The following NRP2 variants were observed in gnomAD, a reference collection of about 807,000 sequenced individuals.
NRP2 encodes neuropilin 2, also known as neuropilin-2.
Under a neutral mutation model 110.4 loss-of-function variants are expected in NRP2, and 52 were observed. The observed-to-expected ratio is 0.47, with a 90% CI of 0.38 to 0.59. The LOEUF (loss-of-function observed/expected upper bound fraction) is 0.59. Ranked by LOEUF, NRP2 falls within the 20% of genes least tolerant of loss-of-function variation. NRP2 has a pLI of 0.00. For synonymous variants in NRP2, 508 were observed against 468.9 expected, an observed-to-expected ratio of 1.08 and a Z score of -1.08; for missense variants, 1,049 against 1,203.0, an observed-to-expected ratio of 0.87 and a Z score of 1.89.
Position 205,686,249 on chromosome 2 carries a change from C to T in NRP2, c.73+2886C>T, listed in dbSNP as rs1205202427. Among the ~76,000 whole-genome samples, 1 of 152,234 alleles carries T rather than the reference C, an allele frequency of 6.6e-6. No homozygotes were observed. The highest frequency in any genetic ancestry group is 1.9e-4 in the East Asian group (1 of 5,162). On this transcript the variant is annotated intron_variant, in intron 1 of 16. Coordinates refer to ENST00000357785, the MANE Select transcript of NRP2 (RefSeq NM_003872.3). The surrounding 1 kb of genome is among the most constrained non-coding windows in gnomAD (Gnocchi z 4.7). Reference sequence around the variant, plus strand: ...TCCTCCTCCTCCTCCTAAGGACACCCCCAGGGAAAAGCCTGCGGCATTTCT... The same window carrying T: ...TCCTCCTCCTCCTCCTAAGGACACCTCCAGGGAAAAGCCTGCGGCATTTCT...
intron 2 of NRP2, 64 bp from the exon 3 acceptor site, chr2:205,716,129 C>T (rs916483545): frequency 2.6e-5 from 40 of 1,533,460 alleles, no homozygotes; most frequent in Non-Finnish European, 3.5e-5. Context: ...TAAGTGGGAG[C>T]GACACAGTGG....
chr2:205,778,101 G>A (rs1396928574), intron 15 of NRP2: 3 of 152,212 alleles, frequency 2.0e-5, no homozygotes, highest in Non-Finnish European at 2.9e-5. Flanking sequence ...TCTCAGCCTC[G>A]GGAGCATTTA....
chr2:205,722,424 G>A lies in NRP2; in HGVS notation c.434-54G>A, dbSNP rs114687475. ...ACATTTAAATAACCCATGTGACAGA[G>A]GCCACAAAGAAAGGCATCTTCTTCT... On this transcript the variant is annotated intron_variant, in intron 3 of 16. Transcript: ENST00000357785. 1.0e-3 allele frequency: 1,447 copies of A among 1,386,536 alleles called. 2 individuals carry two copies. The highest frequency in any genetic ancestry group is 1.3e-3 in the Non-Finnish European group (1,259 of 973,264). 85.9% of individuals were successfully genotyped at this position (1,386,536 alleles called of 1,614,324 possible).
intron 5 of NRP2, 100 bp downstream of exon 5, chr2:205,724,040 A>C: frequency 7.5e-7 from 1 of 1,329,310 alleles, no homozygotes; most frequent in Non-Finnish European, 1.1e-6. Context: ...AGGAGATGGG[A>C]ACTCTACGGA....
At chr2:205,684,369 T>C (rs1023922739) in intron 1 of NRP2, among the ~76,000 whole-genome samples, 8 of 152,102 alleles carry the variant, frequency 5.3e-5, no homozygotes, top group Non-Finnish European at 1.2e-4. Context: ...TGATTGGAGA[T>C]GGAGAAACCA....
chr2:205,776,000 T>C (rs1371867104), intron 15 of NRP2: 1 of 684,480 alleles, frequency 1.5e-6, no homozygotes, highest in African/African-American at 1.8e-5. Context: ...TTAACCTCTC[T>C]CCACCTCTGT....
At chr2:205,786,212 T>G (rs560529189) in intron 15 of NRP2, among the ~76,000 whole-genome samples, 2 of 152,218 alleles carry the variant, frequency 1.3e-5, no homozygotes, top group Non-Finnish European at 2.9e-5. Context: ...CAATACTAAA[T>G]ATTAAACTGA....
chr2:205,722,261 C>A, intron 3 of NRP2: 1 of 590,978 alleles, frequency 1.7e-6, no homozygotes, highest in Admixed American at 2.7e-5. Context: ...GCTGCTCTCA[C>A]TCTAATAATT....
chr2:205,729,737 C>T (rs2057200019), intron 7 of NRP2, among the ~76,000 whole-genome samples: 1 of 152,194 alleles, frequency 6.6e-6, no homozygotes. Flanking sequence ...TAGCACTGCA[C>T]ATTTTCATAG....
At chr2:205,688,867 AAAC>A (rs1242617971) in intron 1 of NRP2, among the ~76,000 whole-genome samples, 9 of 151,508 alleles carry the variant, frequency 5.9e-5, no homozygotes, top group Non-Finnish European at 1.2e-4. Flanking sequence ...AAAACAAAAA[AAAC>A]AAAAAAACCC....
At position 205,733,434 on chromosome 2, in the gene NRP2, C is replaced by A. The variant is rs191145344; in HGVS notation, c.1146+5388C>A. Among the ~76,000 whole-genome samples the A allele has an allele frequency of 2.8e-3, 422 of 152,268 alleles. 3 individuals are homozygous for A. Among genetic ancestry groups the A allele is most frequent in the African/African-American group, 9.4e-3 (391 of 41,544 alleles). On this transcript the variant is annotated intron_variant, in intron 7 of 16. Coordinates refer to ENST00000357785, the MANE Select transcript of NRP2 (RefSeq NM_003872.3). The stretch of plus-strand genomic sequence containing the variant: ...ATCATGTTCCTTGCCCCAACCCCAA[C>A]TAATGTAGATGAGCACTGGAGTGAA...
At chr2:205,778,173 C>G (rs898772243) in intron 15 of NRP2, 2 of 151,962 alleles carry the variant, frequency 1.3e-5, no homozygotes, top group Non-Finnish European at 2.9e-5. Flanking sequence ...AAGAAGTTTG[C>G]CTGGGCCAAA....
intron 15 of NRP2, among the ~76,000 whole-genome samples, chr2:205,787,869 G>A (rs2058252873): frequency 6.6e-6 from 1 of 152,006 alleles, no homozygotes; most frequent in Non-Finnish European, 1.5e-5. Flanking sequence ...AGTGTCTTGG[G>A]GGTGTTTCCC....
intron 11 of NRP2, among the ~76,000 whole-genome samples, chr2:205,752,224 G>A (rs569612991): frequency 2.0e-5 from 3 of 152,300 alleles, no homozygotes; most frequent in Middle Eastern, 3.4e-3. Flanking sequence ...CTCTTACCAT[G>A]CCAAATTTCC....
At chr2:205,717,661 G>T (rs569025731) in intron 3 of NRP2, among the ~76,000 whole-genome samples, 7 of 152,332 alleles carry the variant, frequency 4.6e-5, no homozygotes, top group African/African-American at 1.4e-4. Context: ...GGTCACAGGG[G>T]CTGACAATCT....
intron 15 of NRP2, among the ~76,000 whole-genome samples, chr2:205,790,816 G>A (rs986600457): frequency 2.6e-5 from 4 of 152,162 alleles, no homozygotes; most frequent in Admixed American, 1.3e-4. Flanking sequence ...GGGAATGGGC[G>A]TTGAGGTGGG....
intron 4 of NRP2, 52 bp from the exon 5 acceptor site, chr2:205,723,732 AC>A: frequency 6.2e-7 from 1 of 1,603,940 alleles, no homozygotes; most frequent in Non-Finnish European, 8.5e-7. Context: ...CGGAGTGAAA[AC>A]CAAGTTTGAC....
intron 15 of NRP2, among the ~76,000 whole-genome samples, chr2:205,772,953 T>C (rs1175266342): frequency 6.6e-6 from 1 of 152,240 alleles, no homozygotes; most frequent in Non-Finnish European, 1.5e-5. Context: ...CATCAACATT[T>C]TCCAGGGAGT....
intron 15 of NRP2, among the ~76,000 whole-genome samples, chr2:205,790,100 A>G (rs1159878048): frequency 2.0e-5 from 3 of 152,198 alleles, no homozygotes; most frequent in South Asian, 2.1e-4. Context: ...GTGATTATAT[A>G]AAAAGCCAAG....
Sources: gnomAD v4.1 joint callset for allele counts (sites outside exome capture counted in the v4.1 genomes callset) on GRCh38, gnomAD v4.1.1 for gene constraint, Gnocchi (gnomAD v3.1) non-coding constraint, MANE v1.5 for transcripts, NCBI Gene and HGNC (gene_info 2026-07-23, HGNC 2026-07-21) for gene names.